Variants in UNC79 observed in about 807,000 individuals in gnomAD.
The protein encoded by UNC79 is protein unc-79 homolog.
Under a neutral mutation model 283.1 loss-of-function variants are expected in UNC79, and 37 were observed. The ratio of observed to expected loss-of-function variants is 0.13; its 90% CI spans 0.10 to 0.17. UNC79 has a LOEUF of 0.17. Among genes scored for constraint, UNC79 ranks in the 10% least tolerant of loss-of-function variants. UNC79 has a pLI of 1.00. For missense variants in UNC79, 2,272 were observed against 3,211.1 expected (o/e 0.71, Z 7.07); for synonymous variants, 1,107 against 1,200.2 (o/e 0.92, Z 1.61).
chr14:93,582,146 C>A (rs1235334905), intron 19 of UNC79, 57 bp from the exon 20 acceptor site: 14 of 1,612,804 alleles, frequency 8.7e-6, no homozygotes, highest in Non-Finnish European at 1.2e-5. Context: ...GCTGAGCAAA[C>A]CGTTCCTGAC....
chr14:93,461,287 A>G (rs1456783102), intron 1 of UNC79, among the ~76,000 whole-genome samples: 4 of 152,224 alleles, frequency 2.6e-5, no homozygotes, highest in Non-Finnish European at 2.9e-5. Context: ...TTTTAGTGAC[A>G]TAGGAAAATG....
chr14:93,664,003 C>T (rs929925870), intron 40 of UNC79, among the ~76,000 whole-genome samples: 2 of 152,164 alleles, frequency 1.3e-5, no homozygotes, highest in African/African-American at 2.4e-5. Flanking sequence ...ATATTCATTA[C>T]ACAGGATATC....
chr14:93,396,808 T>TGTGTGTGTGTGTGTGTG (rs58471175), intron 1 of UNC79, among the ~76,000 whole-genome samples: 3 of 145,952 alleles, frequency 2.1e-5, no homozygotes, highest in Admixed American at 6.9e-5. Flanking sequence ...TGTGTGTGTG[T>TGTGTGTGTGTGTGTGTG]TGTGGCATGC....
intron 1 of UNC79, chr14:93,347,139 G>A (rs1387175085): frequency 1.6e-5 from 17 of 1,094,000 alleles, no homozygotes; most frequent in Non-Finnish European, 2.0e-5. Flanking sequence ...GGTAGGGGGC[G>A]AGGGCAGAGC....
At chr14:93,612,949 A>C in exon 27 of UNC79, 1 of 1,614,122 alleles carries the variant, frequency 6.2e-7, no homozygotes, top group Non-Finnish European at 8.5e-7. Context: ...CAGCAGTGCA[A>C]AGGCCTTCAA....
intron 4 of UNC79, 104 bp from the exon 5 acceptor site, chr14:93,487,559 C>CT (rs2058505291): frequency 9.5e-6 from 7 of 738,672 alleles, no homozygotes; most frequent in African/African-American, 2.8e-5. Flanking sequence ...TTTATTGGAG[C>CT]TATTTTTTTT....
At chr14:93,419,002 C>T (rs575172731) in intron 1 of UNC79, among the ~76,000 whole-genome samples, 9 of 151,940 alleles carry the variant, frequency 5.9e-5, no homozygotes, top group Non-Finnish European at 1.0e-4. Flanking sequence ...CGCCCTGTTT[C>T]GGCTCATGCA....
chr14:93,597,123 G>A (rs778136038), intron 23 of UNC79, among the ~76,000 whole-genome samples: 11 of 152,130 alleles, frequency 7.2e-5, no homozygotes, highest in South Asian at 4.1e-4. Context: ...TCAAGGCTGC[G>A]TGGGAAAAAA....
chr14:93,342,903 A>G (rs545872718), intron 1 of UNC79, among the ~76,000 whole-genome samples: 2 of 152,348 alleles, frequency 1.3e-5, no homozygotes, highest in Non-Finnish European at 2.9e-5. Context: ...TTAGTTCTCA[A>G]TAAGTTCCTC....
At chr14:93,620,954 G>C (rs2067088759) in intron 29 of UNC79, 1 of 518,818 alleles carries the variant, frequency 1.9e-6, no homozygotes, top group African/African-American at 1.9e-5. Context: ...CTGCAATAAA[G>C]AGTCTCAAAC....
chr14:93,586,856 A>G, exon 22 of UNC79: 1 of 1,614,076 alleles, frequency 6.2e-7, no homozygotes, highest in East Asian at 2.2e-5. Context: ...CATTGCCAGA[A>G]AAGATCACCC....
At chr14:93,676,180 T>C (rs1446370469) in intron 41 of UNC79, among the ~76,000 whole-genome samples, 1 of 152,144 alleles carries the variant, frequency 6.6e-6, no homozygotes, top group Non-Finnish European at 1.5e-5. Context: ...CCTCAGCCTC[T>C]GATGTAGCTG....
chr14:93,352,402 A>G (rs1372381189), intron 1 of UNC79, among the ~76,000 whole-genome samples: 1 of 152,234 alleles, frequency 6.6e-6, no homozygotes, highest in East Asian at 1.9e-4. Context: ...ATATTGAACT[A>G]TAGGAATCTT....
At position 93,668,215 on chromosome 14, in the gene UNC79, T is replaced by G. The variant is rs1402518877; in HGVS notation, c.6637-5136T>G. Among the ~76,000 whole-genome samples the G allele has an allele frequency of 2.0e-5, 3 of 152,130 alleles. No homozygotes were observed. The East Asian group carries it at 5.8e-4, about 29-fold the overall frequency. ...GGATTAGAAAGGAAAAATACAACTC[T>G]CATTTTTCATAGGTGATACGATTAC... On this transcript the variant is annotated intron_variant, in intron 40 of 48. Transcript: ENST00000555664.
chr14:93,558,777 G>C (rs1452310288), intron 14 of UNC79, among the ~76,000 whole-genome samples: 1 of 151,924 alleles, frequency 6.6e-6, no homozygotes, highest in Non-Finnish European at 1.5e-5. Flanking sequence ...AGCTTTTGAT[G>C]ACCCTGTTCG....
intron 7 of UNC79, among the ~76,000 whole-genome samples, chr14:93,505,902 G>A (rs541938154): frequency 1.4e-4 from 21 of 151,680 alleles, no homozygotes; most frequent in East Asian, 3.9e-4. Flanking sequence ...ATATTGCTGC[G>A]TAAAGTGGCA....
chr14:93,644,534 G>A (rs1387212825), intron 34 of UNC79, among the ~76,000 whole-genome samples: 2 of 152,106 alleles, frequency 1.3e-5, no homozygotes, highest in Non-Finnish European at 1.5e-5. Context: ...TCATTGACTA[G>A]CCAAATAAGA....
rs745650977 is a variant in UNC79 at position 93,542,004 on chromosome 14, CAAA to C, written c.1525-440_1525-438del. ...TGGGCAACAGAGGGAGACTCCATCT[CAAA>C]AAAAAAAAAAAAAAAAAAAAAGTCT... On this transcript the variant is annotated intron_variant, in intron 13 of 48. Transcript: ENST00000555664. Among the ~76,000 whole-genome samples the C allele has an allele frequency of 6.7e-3, 400 of 59,890 alleles. 1 individual carries two copies. The highest frequency in any genetic ancestry group is 0.022 in the African/African-American group (347 of 16,058). 39.3% of individuals were successfully genotyped at this position (59,890 alleles called of 152,430 possible).
intron 1 of UNC79, among the ~76,000 whole-genome samples, chr14:93,461,184 T>C (rs1566950000): frequency 6.6e-6 from 1 of 152,224 alleles, no homozygotes; most frequent in East Asian, 1.9e-4. Context: ...ATTTTTATCT[T>C]CTTCATGTTG....
Sources: allele counts gnomAD v4.1 joint callset (sites outside exome capture counted in the v4.1 genomes callset), GRCh38; gene constraint gnomAD v4.1.1; transcripts MANE v1.5; gene names NCBI Gene and HGNC (gene_info 2026-07-23, HGNC 2026-07-21).